Variants in DYM observed in about 807,000 individuals in gnomAD.
DYM encodes the protein dymeclin, also known as dyggve-Melchior-Clausen syndrome protein.
In DYM, 78 loss-of-function variants were observed where a neutral mutation model predicts 93.1. That is an observed-to-expected ratio of 0.84 (90% CI 0.70 to 1.01). The LOEUF (loss-of-function observed/expected upper bound fraction) is 1.01. Among genes scored for constraint, DYM ranks in the 50% least tolerant of loss-of-function variants. The pLI, the probability that DYM is intolerant of heterozygous loss-of-function variation, is 0.00. For synonymous variants in DYM, 321 were observed against 319.7 expected (o/e 1.00, Z -0.04); for missense variants, 789 against 845.0 (o/e 0.93, Z 0.82).
At chr18:49,313,323 C>T (rs71355380) in intron 8 of DYM, among the ~76,000 whole-genome samples, 72 of 151,560 alleles carry the variant, frequency 4.8e-4, no homozygotes, top group African/African-American at 1.5e-3. Flanking sequence ...ATTAACTGGG[C>T]GTGGTGGCGC....
chr18:49,225,185 A>G (rs572155340), intron 13 of DYM, among the ~76,000 whole-genome samples: 3 of 152,256 alleles, frequency 2.0e-5, no homozygotes, highest in Non-Finnish European at 2.9e-5. Context: ...TCCAGGGGAA[A>G]TTTTTGCAAA....
At position 49,378,484 on chromosome 18, in the gene DYM, C is replaced by CA. The variant is rs2067722441; in HGVS notation, c.421+82dup. 4 of 1,350,924 alleles carry CA rather than the reference C, an allele frequency of 3.0e-6. No homozygotes were observed. The East Asian group carries it at 7.0e-5, about 24-fold the overall frequency. 83.7% of individuals were successfully genotyped at this position (1,350,924 alleles called of 1,614,324 possible). A position where few individuals can be genotyped will look rare whatever the true frequency, so the allele number is the denominator to read the frequency against. ...AAATTATAAGGATAACTGGAATTTT[C>CA]AAAATCATACTTTTATTCCTGAAAT... On this transcript the variant is annotated intron_variant, in intron 5 of 17. Coordinates refer to ENST00000675505, the MANE Select transcript of DYM (RefSeq NM_001353214.3).
chr18:49,356,843 T>C (rs1030562008), intron 6 of DYM, among the ~76,000 whole-genome samples: 5 of 152,242 alleles, frequency 3.3e-5, no homozygotes, highest in African/African-American at 1.2e-4. Context: ...ATTTTTAAAA[T>C]GCTATAAGCT....
intron 17 of DYM, among the ~76,000 whole-genome samples, chr18:49,094,150 C>T (rs999183129): frequency 1.3e-5 from 2 of 152,128 alleles, no homozygotes; most frequent in Non-Finnish European, 2.9e-5. Flanking sequence ...AATTCTTAAT[C>T]CTCAAATGAC....
chr18:49,097,079 A>G (rs1317056290), intron 17 of DYM: 6 of 415,092 alleles, frequency 1.4e-5, no homozygotes, highest in Non-Finnish European at 2.7e-5. Flanking sequence ...TCTTGTGATC[A>G]TCTTCATCAT....
chr18:49,188,164 G>A (rs575336209), intron 14 of DYM, among the ~76,000 whole-genome samples: 1 of 152,270 alleles, frequency 6.6e-6, no homozygotes, highest in Non-Finnish European at 1.5e-5. Context: ...CTGTTTGGGG[G>A]GTAGCATTAT....
At chr18:49,108,540 C>T (rs902210422) in intron 16 of DYM, among the ~76,000 whole-genome samples, 1 of 152,238 alleles carries the variant, frequency 6.6e-6, no homozygotes, top group African/African-American at 2.4e-5. Flanking sequence ...ATTCGGCCAT[C>T]TTGGCTCTTC....
intron 2 of DYM, among the ~76,000 whole-genome samples, chr18:49,401,832 C>T (rs758417502): frequency 4.6e-5 from 7 of 151,966 alleles, no homozygotes; most frequent in Non-Finnish European, 7.4e-5. Context: ...TCAAGACCAG[C>T]CTGGCCAACG....
chr18:49,345,274 T>C (rs1337126508), intron 6 of DYM, among the ~76,000 whole-genome samples: 1 of 152,080 alleles, frequency 6.6e-6, no homozygotes, highest in Non-Finnish European at 1.5e-5. Flanking sequence ...AAAGCATATA[T>C]CTCTTCTTCT....
chr18:49,163,151 T>C (rs190077392), intron 15 of DYM, among the ~76,000 whole-genome samples: 2 of 152,318 alleles, frequency 1.3e-5, no homozygotes. Flanking sequence ...CTTAATTATG[T>C]ACAAATTATT....
At chr18:49,356,842 A>C (rs2065611799) in intron 6 of DYM, among the ~76,000 whole-genome samples, 1 of 152,222 alleles carries the variant, frequency 6.6e-6, no homozygotes, top group Non-Finnish European at 1.5e-5. Flanking sequence ...CATTTTTAAA[A>C]TGCTATAAGC....
intron 15 of DYM, among the ~76,000 whole-genome samples, chr18:49,133,958 T>C (rs532971545): frequency 5.3e-5 from 8 of 152,212 alleles, no homozygotes; most frequent in Non-Finnish European, 8.8e-5. Flanking sequence ...TAGTAGATGA[T>C]TGACTAAATT....
At chr18:49,062,368 C>G (rs1282573110) in intron 17 of DYM, among the ~76,000 whole-genome samples, 2 of 152,198 alleles carry the variant, frequency 1.3e-5, no homozygotes. Flanking sequence ...TCTTATCTAG[C>G]CCAGCTCAGG....
In DYM at chr18:49,449,351, C is replaced by T. The variant is rs372322323; in HGVS notation, c.-54+11047G>A. On this transcript the variant is annotated intron_variant, in intron 1 of 17. Transcript: ENST00000675505. ...AACGTTTCCTATAGTAGGCCTAAAA[C>T]GAAAAGAGAAAATAGGGAAGGCAAA... Among the ~76,000 whole-genome samples, 30 of 152,086 alleles carry T rather than the reference C, an allele frequency of 2.0e-4. 1 individual carries two copies. In the South Asian group the frequency reaches 5.4e-3, roughly 27 times the overall value.
intron 8 of DYM, among the ~76,000 whole-genome samples, chr18:49,311,351 GT>G (rs2061576100): frequency 6.6e-6 from 1 of 152,184 alleles, no homozygotes; most frequent in Admixed American, 6.5e-5. Context: ...AGTTTTAGCT[GT>G]TTTAGAAAGT....
chr18:49,134,552 A>G (rs924516306), intron 15 of DYM, among the ~76,000 whole-genome samples: 1 of 152,240 alleles, frequency 6.6e-6, no homozygotes, highest in South Asian at 2.1e-4. Context: ...CTACATGGAA[A>G]TAAGTGAATC....
intron 5 of DYM, among the ~76,000 whole-genome samples, chr18:49,375,476 C>A (rs1420454415): frequency 6.6e-6 from 1 of 151,956 alleles, no homozygotes; most frequent in Non-Finnish European, 1.5e-5. Context: ...GGTAGTAATT[C>A]ATACTAACTC....
chr18:49,316,151 G>A (rs532728970), intron 8 of DYM, among the ~76,000 whole-genome samples: 154 of 152,092 alleles, frequency 1.0e-3, no homozygotes, highest in African/African-American at 2.6e-3. Flanking sequence ...GCGTGGCGGC[G>A]CATGCCTGTA....
intron 10 of DYM, among the ~76,000 whole-genome samples, chr18:49,272,506 C>T (rs186912455): frequency 2.7e-4 from 41 of 152,250 alleles, no homozygotes; most frequent in Admixed American, 1.4e-3. Context: ...TCACCACTAA[C>T]TCTGTGAAGG....
Sources: allele counts gnomAD v4.1 joint callset (sites outside exome capture counted in the v4.1 genomes callset), GRCh38; gene constraint gnomAD v4.1.1; transcripts MANE v1.5; gene names NCBI Gene and HGNC (gene_info 2026-07-23, HGNC 2026-07-21).